The following ALPK2 variants were observed in gnomAD, a reference collection of about 807,000 sequenced individuals.
ALPK2 encodes alpha-protein kinase 2.
Under a neutral mutation model 163.1 loss-of-function variants are expected in ALPK2, and 127 were observed. The ratio of observed to expected loss-of-function variants is 0.78; its 90% confidence interval spans 0.67 to 0.90. The LOEUF (loss-of-function observed/expected upper bound fraction) is 0.90. ALPK2 is among the 40% of genes least tolerant of loss of function. ALPK2 has a pLI of 0.00. For missense variants in ALPK2, 2,360 were observed against 2,589.6 expected (o/e 0.91, Z 1.92); for synonymous variants, 953 against 959.1 (o/e 0.99, Z 0.12).
chr18:58,602,342 G>A (rs551878184), intron 3 of ALPK2, among the ~76,000 whole-genome samples: 4 of 152,116 alleles, frequency 2.6e-5, no homozygotes, highest in South Asian at 2.1e-4. Flanking sequence ...ACAAACTACC[G>A]CAAACTGGGT....
At chr18:58,574,171 C>G (rs1034452391) in intron 4 of ALPK2, among the ~76,000 whole-genome samples, 1 of 151,904 alleles carries the variant, frequency 6.6e-6, no homozygotes, top group Non-Finnish European at 1.5e-5. Context: ...GTGCTGGTTG[C>G]GGCAGCTCAC....
chr18:58,600,790 G>T (rs2052065359), intron 3 of ALPK2: 1 of 152,212 alleles, frequency 6.6e-6, no homozygotes, highest in South Asian at 2.1e-4. Context: ...GCACTCTCTG[G>T]TTCAATACCC....
intron 4 of ALPK2, among the ~76,000 whole-genome samples, chr18:58,543,763 T>C (rs2051703497): frequency 6.6e-6 from 1 of 152,082 alleles, no homozygotes; most frequent in Non-Finnish European, 1.5e-5. Context: ...AACCGACACA[T>C]GAGGTCAATG....
At chr18:58,605,412 A>T (rs2052093005) in intron 3 of ALPK2, among the ~76,000 whole-genome samples, 1 of 152,230 alleles carries the variant, frequency 6.6e-6, no homozygotes, top group Non-Finnish European at 1.5e-5. Flanking sequence ...GAAGGGAGAG[A>T]TATAGATAGA....
chr18:58,520,421 T>C (rs2051543658), intron 8 of ALPK2, among the ~76,000 whole-genome samples: 1 of 88,180 alleles, frequency 1.1e-5, no homozygotes. Context: ...AGAATGAGAC[T>C]CCGTCTCAAA....
At chr18:58,507,099 T>C (rs1299008683) in intron 10 of ALPK2, among the ~76,000 whole-genome samples, 2 of 152,246 alleles carry the variant, frequency 1.3e-5, no homozygotes, top group Non-Finnish European at 2.9e-5. Context: ...GATGCTGACT[T>C]TTGATGTTCA....
Position 58,503,977 on chromosome 18 carries a change from C to T in ALPK2, c.6201G>A (p.Trp2067Ter), listed in dbSNP as rs2051447037. 6.2e-7 allele frequency: 1 copy of T among 1,614,008 alleles called. No individual in the cohort carries two copies. Among genetic ancestry groups the T allele is most frequent in the Non-Finnish European group, 8.5e-7 (1 of 1,180,026 alleles). ...GGCAGCCACTTGTTTTCTGGTACAC[C>T]CAGTGCTGGAAGGTGCAACATTTCT... The part of the protein sequence containing the change: ...AGQKCCTFQH[W>*]VYQKTSGCLL... Residue 2067 changes from tryptophan to a stop codon, truncating the protein, a stop_gained, in exon 11 of 13, where the codon TGG becomes TGA. Coordinates refer to ENST00000361673, the MANE Select transcript of ALPK2 (RefSeq NM_052947.4). LOFTEE classifies it high-confidence loss of function.
At chr18:58,565,412 A>AT (rs1029508082) in intron 4 of ALPK2, among the ~76,000 whole-genome samples, 10 of 151,994 alleles carry the variant, frequency 6.6e-5, no homozygotes, top group African/African-American at 1.2e-4. Flanking sequence ...TGTACTTTTA[A>AT]TTTTTTTATC....
intron 3 of ALPK2, among the ~76,000 whole-genome samples, chr18:58,601,985 G>A (rs1357510060): frequency 3.3e-5 from 5 of 152,152 alleles, no homozygotes; most frequent in African/African-American, 1.2e-4. Context: ...GCCAGATGCA[G>A]TAGCACCCCA....
At chr18:58,611,148 C>A (rs950165734) in intron 2 of ALPK2, among the ~76,000 whole-genome samples, 9 of 149,486 alleles carry the variant, frequency 6.0e-5, no homozygotes, top group African/African-American at 2.2e-4. Context: ...TACAGTGGTG[C>A]GTGCCTCTAT....
At chr18:58,523,168 GT>G (rs748711574) in intron 8 of ALPK2, among the ~76,000 whole-genome samples, 5 of 146,856 alleles carry the variant, frequency 3.4e-5, no homozygotes, top group Non-Finnish European at 7.4e-5. Context: ...GCGGTGTTTG[GT>G]TTTTTGTCCT....
chr18:58,512,174 C>T (rs1442822551), intron 10 of ALPK2: 3 of 152,248 alleles, frequency 2.0e-5, no homozygotes, highest in African/African-American at 4.8e-5. Context: ...GCTACTGACC[C>T]TTCTGCCAAC....
At chr18:58,494,753 C>T (rs1182669854) in intron 12 of ALPK2, among the ~76,000 whole-genome samples, 4 of 152,174 alleles carry the variant, frequency 2.6e-5, no homozygotes, top group Non-Finnish European at 4.4e-5. Context: ...ACCCTTATTC[C>T]TCCATCTTCT....
chr18:58,617,014 T>G (rs118111784), intron 1 of ALPK2, among the ~76,000 whole-genome samples: 2 of 152,062 alleles, frequency 1.3e-5, no homozygotes, highest in Non-Finnish European at 2.9e-5. Flanking sequence ...CACCCACCAG[T>G]GTCTGCAGCT....
chr18:58,623,747 G>T (rs2052214378), intron 1 of ALPK2, among the ~76,000 whole-genome samples: 1 of 152,212 alleles, frequency 6.6e-6, no homozygotes, highest in Non-Finnish European at 1.5e-5. Flanking sequence ...ATTACAGGCG[G>T]CTCACGCCAC....
chr18:58,481,710 T>TA lies in ALPK2; in HGVS notation c.*112dup, dbSNP rs757527483. 7 of 817,772 alleles carry TA rather than the reference T, an allele frequency of 8.6e-6. No homozygotes were observed. The highest frequency in any genetic ancestry group is 1.2e-5 in the Non-Finnish European group (6 of 499,112). The allele number at this position is 817,772 out of a possible 1,614,324, so 50.7% of individuals were successfully genotyped here. A position where few individuals can be genotyped will look rare whatever the true frequency, so the allele number is the denominator to read the frequency against. ...ATCTTGGCGCACAGTCGGCTGGGAG[T>TA]AAGGATTGCCACGCACTCTCTGCAG... On this transcript the variant is annotated 3_prime_UTR_variant, in exon 13 of 13. Coordinates refer to ENST00000361673, the MANE Select transcript of ALPK2 (RefSeq NM_052947.4).
At chr18:58,627,384 G>A (rs1466171509) in intron 1 of ALPK2, among the ~76,000 whole-genome samples, 1 of 152,234 alleles carries the variant, frequency 6.6e-6, no homozygotes, top group Non-Finnish European at 1.5e-5. Flanking sequence ...ACTTTGGGAG[G>A]CCGAGGCGGG....
At chr18:58,529,889 G>T (rs2051603568) in intron 5 of ALPK2, among the ~76,000 whole-genome samples, 1 of 152,168 alleles carries the variant, frequency 6.6e-6, no homozygotes, top group African/African-American at 2.4e-5. Context: ...TATCAGTGAG[G>T]AACAATTAGC....
At chr18:58,602,694 A>G (rs1280400769) in intron 3 of ALPK2, among the ~76,000 whole-genome samples, 1 of 152,188 alleles carries the variant, frequency 6.6e-6, no homozygotes, top group African/African-American at 2.4e-5. Context: ...GGGTAAACTA[A>G]GGCTGAGACC....
Sources: gnomAD v4.1 joint callset for allele counts (sites outside exome capture counted in the v4.1 genomes callset) on GRCh38, gnomAD v4.1.1 for gene constraint, MANE v1.5 for transcripts, NCBI Gene and HGNC (gene_info 2026-07-23, HGNC 2026-07-21) for gene names.